The following STARD13 variants were observed in gnomAD, a reference collection of about 807,000 sequenced individuals.
STARD13 encodes the protein stAR-related lipid transfer protein 13.
In STARD13, 62 loss-of-function variants were observed where a neutral mutation model predicts 106.4. That is an observed-to-expected ratio of 0.58 (90% CI 0.48 to 0.72). The LOEUF is 0.72. STARD13 is among the 30% of genes least tolerant of loss of function. The probability of loss-of-function intolerance (pLI) is 0.00; values close to 1 mark genes in which losing one functional copy is unlikely to be tolerated. For missense variants in STARD13, 1,387 were observed against 1,424.0 expected (o/e 0.97, Z 0.42); for synonymous variants, 565 against 553.0 (o/e 1.02, Z -0.31).
Position 33,285,665 on chromosome 13 carries a change from A to T in STARD13, c.-27T>A. On this transcript the variant is annotated 5_prime_UTR_variant, in exon 1 of 14. Coordinates refer to ENST00000336934, the MANE Select transcript of STARD13 (RefSeq NM_178006.4). ...TCGGCAGATTTCCTATTGCCACCTC[A>T]GTCTGCCTGTGGCTGTTGCCGTCTG... The T allele has an allele frequency of 6.2e-7, 1 of 1,609,958 alleles. No individual in the cohort carries two copies. The highest frequency in any genetic ancestry group is 8.5e-7 in the Non-Finnish European group (1 of 1,178,772).
the STARD13 span, among the ~76,000 whole-genome samples, chr13:33,652,930 C>T: frequency 6.6e-6 from 1 of 151,886 alleles, no homozygotes; most frequent in South Asian, 2.1e-4. Context: ...TAAGGTATGA[C>T]ATCAAAAGAA....
the STARD13 span, among the ~76,000 whole-genome samples, chr13:33,361,968 T>C: frequency 6.6e-6 from 1 of 152,244 alleles, no homozygotes; most frequent in African/African-American, 2.4e-5. Context: ...GTAGTGGTCA[T>C]TCACTGCTAA....
At chr13:33,382,253 A>G in the STARD13 span, among the ~76,000 whole-genome samples, 1 of 152,194 alleles carries the variant, frequency 6.6e-6, no homozygotes, top group African/African-American at 2.4e-5. Context: ...AAGTTAAGTC[A>G]ATCCAGTTAT....
the STARD13 span, among the ~76,000 whole-genome samples, chr13:33,532,965 T>C: frequency 2.0e-5 from 3 of 152,042 alleles, no homozygotes; most frequent in African/African-American, 7.2e-5. Context: ...GCTGGGACAA[T>C]GGGACCCCAA....
Position 33,127,524 on chromosome 13 carries a change from G to A in STARD13, c.1771C>T (p.Gln591Ter). ...GCCGGCCGGGGCTGGTGCGACAGCT[G>A]GAAACTGTTCCATCGGAGTCGCCTT... ...PNRRLRWNSF[Q>*]LSHQPRPAPA... Residue 591 changes from glutamine (Q) to a stop codon, truncating the protein, a stop_gained, in exon 6 of 14, where the codon CAG becomes TAG. Coordinates refer to ENST00000336934, the MANE Select transcript of STARD13 (RefSeq NM_178006.4). LOFTEE classifies it high-confidence loss of function. The A allele has an allele frequency of 6.4e-7, 1 of 1,559,196 alleles. No individual in the cohort carries two copies.
chr13:33,248,851 T>G (rs903179620), intron 1 of STARD13, among the ~76,000 whole-genome samples: 3 of 152,242 alleles, frequency 2.0e-5, no homozygotes, highest in Admixed American at 1.3e-4. Flanking sequence ...AGCTTGATAC[T>G]CCCTGGTCTT....
the STARD13 span, among the ~76,000 whole-genome samples, chr13:33,607,651 C>G: frequency 5.9e-5 from 9 of 152,034 alleles, no homozygotes; most frequent in Non-Finnish European, 8.8e-5. Context: ...AAAAGTTAAA[C>G]TGATTAGAAA....
At chr13:33,109,785 G>A in intron 12 of STARD13, 88 bp downstream of exon 12, 1 of 1,272,212 alleles carries the variant, frequency 7.9e-7, no homozygotes, top group South Asian at 1.3e-5. Flanking sequence ...GCTGGACTTT[G>A]GTGGGAGACA....
the STARD13 span, among the ~76,000 whole-genome samples, chr13:33,442,507 T>C: frequency 6.6e-5 from 10 of 152,178 alleles, no homozygotes; most frequent in Non-Finnish European, 1.3e-4. Flanking sequence ...TGTAGAATAT[T>C]TAAAAGGTAA....
Position 33,285,692 on chromosome 13 carries a change from C to T in STARD13, c.-54G>A. 2.5e-6 allele frequency: 4 copies of T among 1,598,726 alleles called. No individual in the cohort carries two copies. Among genetic ancestry groups the T allele is most frequent in the Non-Finnish European group, 3.4e-6 (4 of 1,173,820 alleles). ...TCTGCCTGTGGCTGTTGCCGTCTGT[C>T]TCCAGTCTCAGTCAAAGAGCAAGGC... On this transcript the variant is annotated 5_prime_UTR_variant, in exon 1 of 14. Coordinates refer to ENST00000336934, the MANE Select transcript of STARD13 (RefSeq NM_178006.4).
chr13:33,242,901 G>A (rs1338186404), intron 1 of STARD13, among the ~76,000 whole-genome samples: 1 of 152,104 alleles, frequency 6.6e-6, no homozygotes, highest in African/African-American at 2.4e-5. Context: ...TGTTCTTAGA[G>A]CTTCCTAGTA....
chr13:33,227,483 C>T (rs1448539841), intron 1 of STARD13, among the ~76,000 whole-genome samples: 1 of 152,160 alleles, frequency 6.6e-6, no homozygotes, highest in Admixed American at 6.5e-5. Context: ...GGAAAAGAGA[C>T]AGTCATTAAC....
chr13:33,122,884 A>G (rs1876557189), intron 7 of STARD13, among the ~76,000 whole-genome samples: 1 of 151,932 alleles, frequency 6.6e-6, no homozygotes, highest in African/African-American at 2.4e-5. Flanking sequence ...GTGAAACCCT[A>G]TCTCTATTAA....
At chr13:33,434,935 A>AAGGG in the STARD13 span, among the ~76,000 whole-genome samples, 6 of 150,756 alleles carry the variant, frequency 4.0e-5, no homozygotes, top group Admixed American at 6.6e-5. Flanking sequence ...GGAAGGAAGG[A>AAGGG]AGGAAGGAAA....
At chr13:33,610,478 G>A in the STARD13 span, among the ~76,000 whole-genome samples, 1 of 152,364 alleles carries the variant, frequency 6.6e-6, no homozygotes, top group Non-Finnish European at 1.5e-5. Context: ...GCACAGCACC[G>A]CAGGTGGCTT....
In STARD13 at chr13:33,331,422, G is replaced by A. The variant is rs907289513; in HGVS notation, c.124+18868C>T. Among the ~76,000 whole-genome samples the A allele has an allele frequency of 8.5e-5, 13 of 152,110 alleles. No individual in the cohort carries two copies. In the East Asian group the frequency reaches 9.6e-4, roughly 11 times the overall value. ...GGCTGGAGTGCAATGGTGCAAGCTC[G>A]GCTCACTGCAATCCCTGCCTCCCAG... On this transcript the variant is annotated intron_variant, in intron 1 of 5. Transcript: ENST00000567873.
intron 2 of STARD13, 67 bp from the exon 3 acceptor site, chr13:33,165,485 C>T: frequency 8.2e-7 from 1 of 1,226,840 alleles, no homozygotes; most frequent in South Asian, 1.2e-5. Flanking sequence ...CATATTCAGA[C>T]CTTCAAGGTC....
intron 1 of STARD13, among the ~76,000 whole-genome samples, chr13:33,274,554 T>C (rs559264621): frequency 4.6e-5 from 7 of 152,324 alleles, no homozygotes; most frequent in African/African-American, 1.7e-4. Context: ...TGTTTTATAA[T>C]TTTTAAGTTG....
chr13:33,346,639 AT>A (rs1338441303), downstream of STARD13, among the ~76,000 whole-genome samples: 1 of 151,340 alleles, frequency 6.6e-6, no homozygotes, highest in African/African-American at 2.4e-5. Flanking sequence ...TTTATTTTTT[AT>A]TTTTTTTGAG....
Sources: allele counts gnomAD v4.1 joint callset (sites outside exome capture counted in the v4.1 genomes callset), GRCh38; gene constraint gnomAD v4.1.1; transcripts MANE v1.5; gene names NCBI Gene and HGNC (gene_info 2026-07-23, HGNC 2026-07-21).